Variants in LAMP1 observed in about 807,000 individuals in gnomAD.
LAMP1 encodes lysosome-associated membrane glycoprotein 1.
In LAMP1, 7 loss-of-function variants were observed where a neutral mutation model predicts 37.5. The observed-to-expected ratio is 0.19, with a 90% CI of 0.11 to 0.35. The LOEUF (loss-of-function observed/expected upper bound fraction) is 0.35. Ranked by LOEUF, LAMP1 falls within the 10% of genes least tolerant of loss-of-function variation. LAMP1 has a pLI of 1.00. For synonymous variants in LAMP1, 236 were observed against 229.1 expected (o/e 1.03, Z -0.27); for missense variants, 537 against 552.8 (o/e 0.97, Z 0.29).
Position 113,297,387 on chromosome 13 carries a change from C to T in LAMP1, c.-48C>T, listed in dbSNP as rs1409089944. On this transcript the variant is annotated 5_prime_UTR_variant, in exon 1 of 9. Transcript: ENST00000332556. The surrounding 1 kb of genome is among the most constrained non-coding windows in gnomAD (Gnocchi z 4.4). ...AGCGCCCGGCAGTCCGCGGCCCAACCGCCGCCCGCGCCCCCGCTCCCCGCA... is the reference window on the plus strand; with the variant it reads ...AGCGCCCGGCAGTCCGCGGCCCAACTGCCGCCCGCGCCCCCGCTCCCCGCA... 5.9e-6 allele frequency: 3 copies of T among 507,782 alleles called. No homozygotes were observed. The highest frequency in any genetic ancestry group is 1.1e-4 in the East Asian group (2 of 17,626). 31.5% of individuals were successfully genotyped at this position (507,782 alleles called of 1,614,324 possible).
intron 1 of LAMP1, among the ~76,000 whole-genome samples, chr13:113,302,368 T>G (rs1245049212): frequency 1.3e-5 from 2 of 151,846 alleles, no homozygotes; most frequent in Non-Finnish European, 2.9e-5. Context: ...TATATATTTT[T>G]TAGTAGAGAC....
At chr13:113,298,432 A>G (rs1320439752) in intron 1 of LAMP1, among the ~76,000 whole-genome samples, 2 of 149,462 alleles carry the variant, frequency 1.3e-5, no homozygotes, top group Admixed American at 6.7e-5. Flanking sequence ...CCCCCGTAAT[A>G]TGAGAAGATT....
chr13:113,306,967 G>C (rs1164827718), intron 2 of LAMP1, among the ~76,000 whole-genome samples: 1 of 142,764 alleles, frequency 7.0e-6, no homozygotes, highest in African/African-American at 2.6e-5. Flanking sequence ...AGCCTCCCCA[G>C]TAGCTGGGGC....
chr13:113,299,579 T>C (rs551982309), intron 1 of LAMP1, among the ~76,000 whole-genome samples: 7 of 150,070 alleles, frequency 4.7e-5, no homozygotes, highest in Admixed American at 4.6e-4. Flanking sequence ...TTTTTTTTTT[T>C]TTTTTTTGAG....
intron 1 of LAMP1, chr13:113,304,946 C>T (rs2042591072): frequency 1.3e-5 from 2 of 152,256 alleles, no homozygotes; most frequent in Non-Finnish European, 2.9e-5. Context: ...GCGTGAGCCA[C>T]TGTGCCCGGC....
chr13:113,299,602 T>G (rs1378542386), intron 1 of LAMP1, among the ~76,000 whole-genome samples: 2 of 133,324 alleles, frequency 1.5e-5, no homozygotes, highest in Non-Finnish European at 3.2e-5. Flanking sequence ...AGAGTCTCAC[T>G]CTGTCACCCA....
chr13:113,311,800 C>G (rs541718276), intron 4 of LAMP1, among the ~76,000 whole-genome samples: 1 of 152,330 alleles, frequency 6.6e-6, no homozygotes, highest in South Asian at 2.1e-4. Context: ...AAATGTGTAT[C>G]TCAGCATCTG....
intron 1 of LAMP1, 79 bp from the exon 2 acceptor site, chr13:113,306,406 A>T: frequency 7.3e-7 from 1 of 1,365,944 alleles, no homozygotes; most frequent in Non-Finnish European, 1.0e-6. Flanking sequence ...CATCACTGCT[A>T]CAGCTGTGGA....
At chr13:113,318,030 C>T (rs140677299) in intron 4 of LAMP1, among the ~76,000 whole-genome samples, 3 of 152,348 alleles carry the variant, frequency 2.0e-5, no homozygotes, top group East Asian at 1.9e-4. Flanking sequence ...CCTGCAGCTT[C>T]GCCAAGGGCA....
Position 113,321,374 on chromosome 13 carries a change from C to A in LAMP1, c.877-30C>A, listed in dbSNP as rs2042698228. The A allele has an allele frequency of 1.3e-6, 2 of 1,561,502 alleles. No individual in the cohort carries two copies. Among genetic ancestry groups the A allele is most frequent in the South Asian group, 2.2e-5 (2 of 89,846 alleles). On this transcript the variant is annotated intron_variant, in intron 6 of 8. Transcript: ENST00000332556. This position sits in a 1 kb window ranked among gnomAD's most constrained non-coding sequence, Gnocchi z 5.6. ...AAGATCATCTTTCTATGAATCTGCTCCGTGATTAAAGATCATTTTTCTTTT... is the reference window on the plus strand; with the variant it reads ...AAGATCATCTTTCTATGAATCTGCTACGTGATTAAAGATCATTTTTCTTTT...
At chr13:113,302,096 C>T (rs962887765) in intron 1 of LAMP1, among the ~76,000 whole-genome samples, 11 of 151,712 alleles carry the variant, frequency 7.3e-5, no homozygotes, top group Admixed American at 5.9e-4. Flanking sequence ...CGCCTAACCT[C>T]AGGTGATCTG....
chr13:113,299,867 A>G (rs1295558391), intron 1 of LAMP1, among the ~76,000 whole-genome samples: 1 of 152,120 alleles, frequency 6.6e-6, no homozygotes, highest in Non-Finnish European at 1.5e-5. Flanking sequence ...CCTAGCCAAA[A>G]TCCAACTTTT....
intron 4 of LAMP1, among the ~76,000 whole-genome samples, chr13:113,312,446 A>G (rs975343780): frequency 6.6e-6 from 1 of 152,212 alleles, no homozygotes; most frequent in Non-Finnish European, 1.5e-5. Context: ...ACGGCCCACA[A>G]AGTCTGAAAT....
At position 113,322,794 on chromosome 13, in the gene LAMP1, G is replaced by GGGGGGGGGGGTGCCGCTCCCTCTGA. The variant is rs2042711692; in HGVS notation, c.*377_*378insGGGGGGTGCCGCTCCCTCTGAGGGG. ...GGGGTGGGGGTGCCGCTTTCTCTGA[G>GGGGGGGGGGGTGCCGCTCCCTCTGA]GGGGTGGGGGTGCCGCTCTCTCTGA... On this transcript the variant is annotated 3_prime_UTR_variant, in exon 9 of 9. Transcript: ENST00000332556. 2.4e-5 allele frequency: 2 copies of GGGGGGGGGGGTGCCGCTCCCTCTGA among 83,984 alleles called. No homozygotes were observed. Among genetic ancestry groups the GGGGGGGGGGGTGCCGCTCCCTCTGA allele is most frequent in the African/African-American group, 1.8e-4 (2 of 11,394 alleles). The allele number at this position is 83,984 out of a possible 1,614,324, so 5.2% of individuals were successfully genotyped here. A position where few individuals can be genotyped will look rare whatever the true frequency, so the allele number is the denominator to read the frequency against.
At chr13:113,305,618 CT>C (rs1488639544) in intron 1 of LAMP1, 1 of 152,212 alleles carries the variant, frequency 6.6e-6, no homozygotes, top group Non-Finnish European at 1.5e-5. Context: ...CATTCTGTCC[CT>C]TTGCTTCAGG....
intron 1 of LAMP1, among the ~76,000 whole-genome samples, chr13:113,298,870 C>G (rs947229968): frequency 1.3e-5 from 2 of 152,266 alleles, no homozygotes; most frequent in African/African-American, 4.8e-5. Context: ...AGGCCGGGAG[C>G]AGTGGCTCAC....
intron 1 of LAMP1, among the ~76,000 whole-genome samples, chr13:113,302,550 A>G (rs1485347467): frequency 6.6e-6 from 1 of 152,206 alleles, no homozygotes; most frequent in East Asian, 1.9e-4. Flanking sequence ...CTTTAATGTC[A>G]AAAGCGAGTA....
chr13:113,306,341 G>T, intron 1 of LAMP1, 144 bp from the exon 2 acceptor site: 21 of 884,052 alleles, frequency 2.4e-5, no homozygotes, highest in Non-Finnish European at 3.4e-5. Flanking sequence ...TGGCGACAGT[G>T]AGACTCCGTC....
In LAMP1 at chr13:113,319,549, A is replaced by G. The variant is rs1055741678; in HGVS notation, c.643A>G (p.Lys215Glu). Residue 215 changes from lysine (K) to glutamate (E), a missense_variant, in exon 5 of 9, where the codon AAG (lysine) becomes GAG (glutamate). Physicochemically the swap from Lys to Glu is moderately conservative, Grantham distance 56. Coordinates refer to ENST00000332556, the MANE Select transcript of LAMP1 (RefSeq NM_005561.4). The part of the protein sequence containing the change: ...PPSPSPSPVP[K>E]SPSVDKYNVS... ...CAGCCCCTCGCCCTCACCCGTGCCC[A>G]AGAGCCCCTCTGTGGACAAGTACAA... 1 of 1,613,986 alleles carries G rather than the reference A, an allele frequency of 6.2e-7. No homozygotes were observed. Among genetic ancestry groups the G allele is most frequent in the East Asian group, 2.2e-5 (1 of 44,882 alleles).
Sources: gnomAD v4.1 joint callset for allele counts (sites outside exome capture counted in the v4.1 genomes callset) on GRCh38, gnomAD v4.1.1 for gene constraint, Gnocchi (gnomAD v3.1) non-coding constraint, MANE v1.5 for transcripts, NCBI Gene and HGNC (gene_info 2026-07-23, HGNC 2026-07-21) for gene names.